ALPG: variants seen among roughly 807,000 people sequenced by gnomAD.
ALPG encodes the protein alkaline phosphatase, germ cell type.
A neutral mutation model predicts 48.6 loss-of-function variants in ALPG; 32 were observed. That is an observed-to-expected ratio of 0.66 (90% CI 0.50 to 0.88). ALPG has a LOEUF of 0.88. ALPG is among the 40% of genes least tolerant of loss of function. ALPG has a pLI of 0.00. For synonymous variants in ALPG, 244 were observed against 308.9 expected, an observed-to-expected ratio of 0.79 and a Z score of 2.20; for missense variants, 533 against 718.1, an observed-to-expected ratio of 0.74 and a Z score of 2.95.
rs200743458 is a variant in ALPG, at chr2:232,406,881, G to A, written c.-14G>A. On this transcript the variant is annotated 5_prime_UTR_variant, in exon 1 of 11. Coordinates refer to ENST00000295453, the MANE Select transcript of ALPG (RefSeq NM_031313.3). ...TGGGATTTCCGCCTCGCCGCTCTCC[G>A]ACTGCTTCCAGACATGCAGGGGCCC... is the stretch of plus-strand genomic sequence containing the variant. 3.5e-5 allele frequency: 57 copies of A among 1,608,242 alleles called. No homozygotes were observed. In the East Asian group the frequency reaches 4.9e-4, roughly 14 times the overall value.
intron 10 of ALPG, 28 bp downstream of exon 10, chr2:232,409,476 G>A: frequency 1.3e-6 from 2 of 1,595,504 alleles, no homozygotes; most frequent in South Asian, 1.1e-5. Flanking sequence ...GCCCCCTGAG[G>A]GGGACCAGGG....
Position 232,406,954 on chromosome 2 carries a change from C to A in ALPG, c.60C>A (p.Ile20=). 1 of 1,612,872 alleles carries A rather than the reference C, an allele frequency of 6.2e-7. No homozygotes were observed. Among genetic ancestry groups the A allele is most frequent in the Non-Finnish European group, 8.5e-7 (1 of 1,179,774 alleles). Residue 20 remains isoleucine, a synonymous_variant, in exon 1 of 11, where the codon ATC becomes ATA. Coordinates refer to ENST00000295453, the MANE Select transcript of ALPG (RefSeq NM_031313.3). ...TGAGGCTACAGCTCTCCCTGGGCAT[C>A]ATCCCAGGTAATGAGGCTCCCCCAG... ...LGLRLQLSLG[I]IPVEEENPDF...
Position 232,409,799 on chromosome 2 carries a change from C to T in ALPG, c.1526C>T (p.Pro509Leu), listed in dbSNP as rs1048995. The part of the protein sequence containing the change: ...AGTTDAAHPG[P>L]SVVPALLPLL... ...ACCACCGACGCCGCGCACCCGGGGCCGTCCGTGGTCCCCGCGTTGCTTCCT... is the reference window on the plus strand; with the variant it reads ...ACCACCGACGCCGCGCACCCGGGGCTGTCCGTGGTCCCCGCGTTGCTTCCT... Residue 509 changes from proline to leucine, a missense_variant, in exon 11 of 11, where the codon CCG (proline) becomes CTG (leucine). Around this residue, in one of 6 missense-constraint regions of ALPG, gnomAD observed 145 missense variants for 174.3 expected, o/e 0.83. Coordinates refer to ENST00000295453, the MANE Select transcript of ALPG (RefSeq NM_031313.3). The T allele has an allele frequency of 5.0e-6, 8 of 1,595,846 alleles. No individual in the cohort carries two copies. Among genetic ancestry groups the T allele is most frequent in the East Asian group, 4.5e-5 (2 of 44,368 alleles).
intron 5 of ALPG, 46 bp downstream of exon 5, chr2:232,408,063 G>T: frequency 1.3e-6 from 2 of 1,583,820 alleles, no homozygotes. Context: ...AGAGTAGCAG[G>T]GAGGGGGCAC....
In ALPG at chr2:232,407,626, T is replaced by C; in HGVS notation, c.333T>C (p.Ser111=). The C allele has an allele frequency of 6.2e-7, 1 of 1,613,758 alleles. No individual in the cohort carries two copies. The highest frequency in any genetic ancestry group is 1.1e-5 in the South Asian group (1 of 90,968). Residue 111 remains serine, a synonymous_variant, in exon 4 of 11, where the codon AGT becomes AGC. Transcript: ENST00000295453. The part of the protein sequence containing the change: ...TYSVDKHVPD[S]GATATAYLCG... Reference sequence around the variant, plus strand: ...GTGTAGACAAGCATGTGCCAGACAGTGGAGCCACAGCCACGGCCTACCTGT... The same window carrying C: ...GTGTAGACAAGCATGTGCCAGACAGCGGAGCCACAGCCACGGCCTACCTGT...
Position 232,407,053 on chromosome 2 carries a change from C to A in ALPG, c.68-4C>A, listed in dbSNP as rs111524519. The A allele has an allele frequency of 0.083, 134,458 of 1,613,518 alleles. 6,130 individuals carry two copies. Among genetic ancestry groups the A allele is most frequent in the East Asian group, 0.21 (9,605 of 44,846 alleles). On this transcript the variant is annotated splice_polypyrimidine_tract_variant and splice_region_variant and intron_variant, in intron 1 of 10. Coordinates refer to ENST00000295453, the MANE Select transcript of ALPG (RefSeq NM_031313.3). ...GACCTGATCTTTGCTCTCCCCCTGG[C>A]CAGTTGAGGAGGAGAACCCGGACTT...
Position 232,410,031 on chromosome 2 carries a change from G to A in ALPG, c.*159G>A, listed in dbSNP as rs539095043. The A allele has an allele frequency of 7.6e-6, 9 of 1,187,580 alleles. No homozygotes were observed. The East Asian group carries it at 1.0e-4, about 14-fold the overall frequency. The allele number at this position is 1,187,580 out of a possible 1,614,324, so 73.6% of individuals were successfully genotyped here. On this transcript the variant is annotated 3_prime_UTR_variant, in exon 11 of 11. Coordinates refer to ENST00000295453, the MANE Select transcript of ALPG (RefSeq NM_031313.3). ...CCCCTCCCGGTGCACCCTGGGGACC[G>A]AGCCCTTGACACCACGCCCTTTGCT...
rs763291237 is a variant in ALPG, at chr2:232,409,725, C to A, written c.1452C>A (p.Ala484=). 1.2e-6 allele frequency: 2 copies of A among 1,610,288 alleles called. No homozygotes were observed. Among genetic ancestry groups the A allele is most frequent in the Admixed American group, 1.7e-5 (1 of 59,806 alleles). The change falls in exon 11 of 11, where the codon GCC becomes GCA. Residue 484 remains alanine (A), a synonymous_variant. Transcript: ENST00000295453. ...QTFIAHVMAF[A]ACLEPYTACD... ...TCATAGCGCACGTCATGGCCTTCGC[C>A]GCCTGCCTGGAGCCCTACACCGCCT... is the stretch of plus-strand genomic sequence containing the variant.
rs2091556 is a variant in ALPG, at chr2:232,409,524, T to C, written c.1301-50T>C. The C allele has an allele frequency of 8.8e-5, 141 of 1,609,360 alleles. 1 individual carries two copies. The highest frequency in any genetic ancestry group is 6.6e-4 in the Middle Eastern group (4 of 6,048). ...GGGGCTGGCGGGAAGGGGTCACCTC[T>C]TGTCTGCCTGGAACTGAAACTTCCT... On this transcript the variant is annotated intron_variant, in intron 10 of 10. Coordinates refer to ENST00000295453, the MANE Select transcript of ALPG (RefSeq NM_031313.3).
Position 232,407,952 on chromosome 2 carries a change from G to A in ALPG, c.583G>A (p.Ala195Thr). 6.2e-7 allele frequency: 1 copy of A among 1,613,262 alleles called. No individual in the cohort carries two copies. Among genetic ancestry groups the A allele is most frequent in the Non-Finnish European group, 8.5e-7 (1 of 1,179,938 alleles). ...RNWYSDADVP[A>T]SARQEGCQDI... is the part of the protein sequence containing the mutation. ...CTGGTACTCGGATGCCGACGTGCCTGCCTCGGCCCGCCAGGAGGGGTGCCA... is the reference window on the plus strand; with the variant it reads ...CTGGTACTCGGATGCCGACGTGCCTACCTCGGCCCGCCAGGAGGGGTGCCA... The change falls in exon 5 of 11, where the codon GCC (alanine) becomes ACC (threonine). Residue 195 changes from alanine (A) to threonine (T), a missense_variant. Ala to Thr is a moderately conservative substitution (Grantham distance 58). Around this residue, in one of 6 missense-constraint regions of ALPG, gnomAD observed 315 missense variants for 305.8 expected, o/e 1.03. Transcript: ENST00000295453.
At position 232,406,938 on chromosome 2, in the gene ALPG, A is replaced by G. The variant is rs761279692; in HGVS notation, c.44A>G (p.Gln15Arg). The change falls in exon 1 of 11, where the codon CAG becomes CGG. Residue 15 changes from glutamine to arginine, a missense_variant. By Grantham distance (43) the Gln-to-Arg change is conservative. Around this residue, in one of 6 missense-constraint regions of ALPG, gnomAD observed 315 missense variants for 305.8 expected, o/e 1.03. Transcript: ENST00000295453. ...WVLLLLGLRL[Q>R]LSLGIIPVEE... ...CTGCTCCTGCTGGGCCTGAGGCTACAGCTCTCCCTGGGCATCATCCCAGGT... is the reference window on the plus strand; with the variant it reads ...CTGCTCCTGCTGGGCCTGAGGCTACGGCTCTCCCTGGGCATCATCCCAGGT... The G allele has an allele frequency of 6.8e-6, 11 of 1,612,554 alleles. No homozygotes were observed. In the African/African-American group the frequency reaches 1.5e-4, roughly 22 times the overall value.
Position 232,407,400 on chromosome 2 carries a change from A to AG in ALPG, c.300+1dup. The AG allele has an allele frequency of 6.2e-7, 1 of 1,613,700 alleles. No homozygotes were observed. Among genetic ancestry groups the AG allele is most frequent in the South Asian group, 1.1e-5 (1 of 90,882 alleles). Reference sequence around the variant, plus strand: ...CGCTTCCCGTACGTGGCTCTGTCCAAGGTAAGTGCTGGGCTACCTTAGAGT... The same window carrying AG: ...CGCTTCCCGTACGTGGCTCTGTCCAAGGGTAAGTGCTGGGCTACCTTAGAGT... On this transcript the variant is annotated frameshift_variant and splice_region_variant, in exon 3 of 11. Transcript: ENST00000295453. LOFTEE classifies it high-confidence loss of function.
chr2:232,408,062 G>T (rs1490737589), intron 5 of ALPG, 45 bp downstream of exon 5: 1 of 1,584,404 alleles, frequency 6.3e-7, no homozygotes, highest in South Asian at 1.2e-5. Flanking sequence ...GAGAGTAGCA[G>T]GGAGGGGGCA....
chr2:232,409,710 C>A lies in ALPG; in HGVS notation c.1437C>A (p.His479Gln), dbSNP rs770332862. The A allele has an allele frequency of 2.5e-6, 4 of 1,611,246 alleles. No individual in the cohort carries two copies. Among genetic ancestry groups the A allele is most frequent in the South Asian group, 1.1e-5 (1 of 90,900 alleles). Residue 479 changes from histidine to glutamine, a missense_variant, in exon 11 of 11, where the codon CAC (histidine) becomes CAA (glutamine). Coordinates refer to ENST00000295453, the MANE Select transcript of ALPG (RefSeq NM_031313.3). ...TGCAGGAGCAGACCTTCATAGCGCA[C>A]GTCATGGCCTTCGCCGCCTGCCTGG... ...HGVQEQTFIA[H>Q]VMAFAACLEP...
intron 8 of ALPG, 33 bp from the exon 9 acceptor site, chr2:232,408,888 G>T: frequency 9.7e-7 from 1 of 1,035,518 alleles, no homozygotes; most frequent in Non-Finnish European, 1.3e-6. Flanking sequence ...AGCAGGGCAG[G>T]CTCAGCATCT....
chr2:232,407,156 T>A lies in ALPG; in HGVS notation c.167T>A (p.Ile56Asn). The A allele has an allele frequency of 6.2e-7, 1 of 1,613,868 alleles. No homozygotes were observed. The highest frequency in any genetic ancestry group is 1.1e-5 in the South Asian group (1 of 90,946). The change falls in exon 2 of 11, where the codon ATC becomes AAC. Residue 56 changes from isoleucine to asparagine, a missense_variant. Around this residue, in one of 6 missense-constraint regions of ALPG, gnomAD observed 315 missense variants for 305.8 expected, o/e 1.03. Transcript: ENST00000295453. ...QPAQTAAKNL[I>N]IFLGDGMGVS... The stretch of plus-strand genomic sequence containing the variant: ...GCACAGACAGCCGCCAAGAACCTCA[T>A]CATCTTCCTGGGTGACGGTGAGTGA...
chr2:232,408,409 G>C lies in ALPG; in HGVS notation c.783+8G>C, dbSNP rs1559248079. On this transcript the variant is annotated splice_region_variant and intron_variant, in intron 6 of 10. Coordinates refer to ENST00000295453, the MANE Select transcript of ALPG (RefSeq NM_031313.3). Reference sequence around the variant, plus strand: ...TGGCTGGCGAAGCACCAGGTGATGGGGGCTGGTGGGTGTGCTGGGCACAGC... The same window carrying C: ...TGGCTGGCGAAGCACCAGGTGATGGCGGCTGGTGGGTGTGCTGGGCACAGC... The C allele has an allele frequency of 6.7e-7, 1 of 1,489,266 alleles. No individual in the cohort carries two copies. Among genetic ancestry groups the C allele is most frequent in the Non-Finnish European group, 9.2e-7 (1 of 1,081,208 alleles). The allele number at this position is 1,489,266 out of a possible 1,614,324, so 92.3% of individuals were successfully genotyped here. A position where few individuals can be genotyped will look rare whatever the true frequency, so the allele number is the denominator to read the frequency against.
rs201615790 is a variant in ALPG at position 232,409,772 on chromosome 2, G to A, written c.1499G>A (p.Gly500Asp). The A allele has an allele frequency of 6.5e-4, 1,037 of 1,606,170 alleles. 12 individuals are homozygous for A. Among genetic ancestry groups the A allele is most frequent in the South Asian group, 6.3e-3 (573 of 90,492 alleles). The change falls in exon 11 of 11, where the codon GGC becomes GAC. Residue 500 changes from glycine to aspartate, a missense_variant. Physicochemically the swap from Gly to Asp is moderately conservative, Grantham distance 94. This residue lies in a region of ALPG where 145 missense variants were observed against 174.3 expected (regional missense o/e 0.83). Coordinates refer to ENST00000295453, the MANE Select transcript of ALPG (RefSeq NM_031313.3). The stretch of plus-strand genomic sequence containing the variant: ...GCCTGCGACCTGGCGCCCCGCGCCG[G>A]CACCACCGACGCCGCGCACCCGGGG... ...YTACDLAPRA[G>D]TTDAAHPGPS...
rs766956178 is a variant in ALPG, at chr2:232,407,098, G to C, written c.109G>C (p.Glu37Gln). 2.5e-6 allele frequency: 4 copies of C among 1,613,808 alleles called. No individual in the cohort carries two copies. The South Asian group carries it at 3.3e-5, about 13-fold the overall frequency. The change falls in exon 2 of 11, where the codon GAG (glutamate) becomes CAG (glutamine). Residue 37 changes from glutamate (E) to glutamine (Q), a missense_variant. Glu to Gln is a conservative substitution (Grantham distance 29, BLOSUM62 2). Around this residue, in one of 6 missense-constraint regions of ALPG, gnomAD observed 315 missense variants for 305.8 expected, o/e 1.03. Transcript: ENST00000295453. ...GGACTTCTGGAACCGCCAGGCAGCCGAGGCCCTGGGTGCCGCCAAGAAGCT... is the reference window on the plus strand; with the variant it reads ...GGACTTCTGGAACCGCCAGGCAGCCCAGGCCCTGGGTGCCGCCAAGAAGCT... Reference protein sequence around the residue: ...NPDFWNRQAAEALGAAKKLQP... With the variant: ...NPDFWNRQAAQALGAAKKLQP...
Sources: gnomAD v4.1 joint callset for allele counts on GRCh38, gnomAD v4.1.1 for gene constraint, gnomAD v4.1.1 regional missense constraint, MANE v1.5 for transcripts, NCBI Gene and HGNC (gene_info 2026-07-23, HGNC 2026-07-21) for gene names.